Variants in HECTD3 observed in about 807,000 individuals in gnomAD.
The protein encoded by HECTD3 is E3 ubiquitin-protein ligase HECTD3.
In HECTD3, 72 loss-of-function variants were observed where a neutral mutation model predicts 109.3. The observed-to-expected ratio is 0.66, with a 90% CI of 0.54 to 0.80. HECTD3 has a LOEUF of 0.80. HECTD3 is among the 30% of genes least tolerant of loss of function. The pLI, the probability that HECTD3 is intolerant of heterozygous loss-of-function variation, is 0.00. For synonymous variants in HECTD3, 481 were observed against 471.8 expected, an observed-to-expected ratio of 1.02 and a Z score of -0.25; for missense variants, 1,041 against 1,165.2, an observed-to-expected ratio of 0.89 and a Z score of 1.55.
Position 45,010,784 on chromosome 1 carries a change from C to T in HECTD3, c.370-78G>A, listed in dbSNP as rs1361683737. On this transcript the variant is annotated intron_variant, in intron 1 of 20. Transcript: ENST00000372172. ...GTCGTGCCCAGCCCAGGGCAAAGGGCGCCGAACGCAATGCCAACTCAATAC... is the reference window on the plus strand; with the variant it reads ...GTCGTGCCCAGCCCAGGGCAAAGGGTGCCGAACGCAATGCCAACTCAATAC... 15 of 1,510,246 alleles carry T rather than the reference C, an allele frequency of 9.9e-6. No individual in the cohort carries two copies. The East Asian group carries it at 3.4e-4, about 34-fold the overall frequency. The allele number at this position is 1,510,246 out of a possible 1,614,324, so 93.6% of individuals were successfully genotyped here. A position where few individuals can be genotyped will look rare whatever the true frequency, so the allele number is the denominator to read the frequency against.
chr1:45,009,217 G>A lies in HECTD3; in HGVS notation c.999C>T (p.Ile333=), dbSNP rs759402963. ...LSDVSIDETL[I]GDVCVLEDMT... ...TGTCCTCCAGGACACAGACATCCCC[G>A]ATGAGGGTCCTGAGGAGATGAGTGT... The change falls in exon 7 of 21, where the codon ATC becomes ATT. Residue 333 remains isoleucine, a synonymous_variant. Coordinates refer to ENST00000372172, the MANE Select transcript of HECTD3 (RefSeq NM_024602.6). The A allele has an allele frequency of 8.7e-6, 14 of 1,613,432 alleles. No homozygotes were observed. In the East Asian group the frequency reaches 1.1e-4, roughly 13 times the overall value.
Position 45,008,559 on chromosome 1 carries a change from G to A in HECTD3, c.1215C>T (p.Tyr405=), listed in dbSNP as rs1452780290. The A allele has an allele frequency of 1.2e-6, 2 of 1,613,944 alleles. No homozygotes were observed. Among genetic ancestry groups the A allele is most frequent in the Non-Finnish European group, 1.7e-6 (2 of 1,179,890 alleles). The change falls in exon 8 of 21, where the codon TAC becomes TAT. Residue 405 remains tyrosine, a synonymous_variant. Coordinates refer to ENST00000372172, the MANE Select transcript of HECTD3 (RefSeq NM_024602.6). ...RLEGTDPEVL[Y]RRAVLLQRFI... is the part of the protein sequence containing the mutation. ...ACCTCTGCAGGAGGACAGCTCTGCG[G>A]TACAGTACTTCAGGGTCGGTGCCTT...
rs1644713562 is a variant in HECTD3 at position 45,004,079 on chromosome 1, T to C, written c.2328A>G (p.Ala776=). 6.2e-7 allele frequency: 1 copy of C among 1,614,024 alleles called. No individual in the cohort carries two copies. The highest frequency in any genetic ancestry group is 1.6e-4 in the Middle Eastern group (1 of 6,062). The change falls in exon 18 of 21, where the codon GCA becomes GCG. Residue 776 remains alanine (A), a synonymous_variant. Transcript: ENST00000372172. ...SDSRVQYFWE[A]LNNFTNEDRS... is the part of the protein sequence containing the mutation. ...ACTGACCGTTGGTGAAGTTGTTCAG[T>C]GCCTCCCAGAAATACTGCACCCGCG...
chr1:45,009,204 C>A lies in HECTD3; in HGVS notation c.1012G>T (p.Val338Phe), dbSNP rs1644762145. 1 of 1,613,958 alleles carries A rather than the reference C, an allele frequency of 6.2e-7. No individual in the cohort carries two copies. Among genetic ancestry groups the A allele is most frequent in the Non-Finnish European group, 8.5e-7 (1 of 1,179,930 alleles). Reference sequence around the variant, plus strand: ...AGGTGGACGGTCATGTCCTCCAGGACACAGACATCCCCGATGAGGGTCCTG... The same window carrying A: ...AGGTGGACGGTCATGTCCTCCAGGAAACAGACATCCCCGATGAGGGTCCTG... Reference protein sequence around the residue: ...IDETLIGDVCVLEDMTVHLPI... With the variant: ...IDETLIGDVCFLEDMTVHLPI... The change falls in exon 7 of 21, where the codon GTC (valine) becomes TTC (phenylalanine). Residue 338 changes from valine to phenylalanine, a missense_variant. By Grantham distance (50) the Val-to-Phe change is conservative (BLOSUM62 -1). Coordinates refer to ENST00000372172, the MANE Select transcript of HECTD3 (RefSeq NM_024602.6).
At position 45,009,590 on chromosome 1, in the gene HECTD3, T is replaced by C. The variant is rs754301205; in HGVS notation, c.853A>G (p.Met285Val). 6.2e-7 allele frequency: 1 copy of C among 1,613,764 alleles called. No homozygotes were observed. Among genetic ancestry groups the C allele is most frequent in the Non-Finnish European group, 8.5e-7 (1 of 1,179,714 alleles). Residue 285 changes from methionine (M) to valine (V), a missense_variant, in exon 5 of 21, where the codon ATG becomes GTG. Met to Val is a conservative substitution (Grantham distance 21, BLOSUM62 1). Coordinates refer to ENST00000372172, the MANE Select transcript of HECTD3 (RefSeq NM_024602.6). ...SQCQHWVRLT[M>V]KKGTIVKKLL... is the part of the protein sequence containing the mutation. ...TACTTGACAATGGTGCCCTTCTTCA[T>C]AGTAAGCCGTACCCAGTGTTGGCAC...
Position 45,005,835 on chromosome 1 carries a change from C to T in HECTD3, c.1894G>A (p.Val632Met), listed in dbSNP as rs752216913. Reference sequence around the variant, plus strand: ...GCTGGGAAGTCCTTGCTCCAGCTCACCTCCTCACCAGAAAGCTGCTTCCAC... The same window carrying T: ...GCTGGGAAGTCCTTGCTCCAGCTCATCTCCTCACCAGAAAGCTGCTTCCAC... ...FVWKQLSGEEVSWSKDFPAVD... is the reference protein window; with the variant it reads ...FVWKQLSGEEMSWSKDFPAVD... Residue 632 changes from valine to methionine, a missense_variant, in exon 15 of 21, where the codon GTG becomes ATG. Physicochemically the swap from Val to Met is conservative, Grantham distance 21. Coordinates refer to ENST00000372172, the MANE Select transcript of HECTD3 (RefSeq NM_024602.6). The T allele has an allele frequency of 2.5e-6, 4 of 1,608,814 alleles. No individual in the cohort carries two copies. Among genetic ancestry groups the T allele is most frequent in the Middle Eastern group, 1.7e-4 (1 of 6,016 alleles).
chr1:45,004,199 CCTGTG>C (rs751988735), intron 17 of HECTD3, 44 bp downstream of exon 17: 14 of 1,613,926 alleles, frequency 8.7e-6, no homozygotes, highest in African/African-American at 2.7e-5. Context: ...AGCCCCAACC[CCTGTG>C]CTGTGCTGTG....
At position 45,003,561 on chromosome 1, in the gene HECTD3, C is replaced by G. The variant is rs1450677274; in HGVS notation, c.2517G>C (p.Glu839Asp). Residue 839 changes from glutamate (E) to aspartate (D), a missense_variant, in exon 21 of 21, where the codon GAG (glutamate) becomes GAC (aspartate). Physicochemically the swap from Glu to Asp is conservative, Grantham distance 45. Around this residue, in one of 2 missense-constraint regions of HECTD3, gnomAD observed 569 missense variants for 715.3 expected, o/e 0.80. Coordinates refer to ENST00000372172, the MANE Select transcript of HECTD3 (RefSeq NM_024602.6). This position sits in a 1 kb window ranked among gnomAD's most constrained non-coding sequence, Gnocchi z 4.7. The stretch of plus-strand genomic sequence containing the variant: ...TGTAGGCCGCATAGCGGAGCTTCTC[C>G]TCGCATACCTTGGCACTGTGGGAAT... The part of the protein sequence containing the change: ...LPHYASAKVC[E>D]EKLRYAAYNC... 6.2e-7 allele frequency: 1 copy of G among 1,614,232 alleles called. No individual in the cohort carries two copies. Among genetic ancestry groups the G allele is most frequent in the Non-Finnish European group, 8.5e-7 (1 of 1,180,036 alleles).
chr1:45,006,634 C>A lies in HECTD3; in HGVS notation c.1725+58G>T. The A allele has an allele frequency of 6.9e-7, 1 of 1,450,426 alleles. No homozygotes were observed. The highest frequency in any genetic ancestry group is 9.6e-7 in the Non-Finnish European group (1 of 1,046,282). The allele number at this position is 1,450,426 out of a possible 1,614,324, so 89.8% of individuals were successfully genotyped here. ...AGCTCAATCTGGCCCCCTCCTCTGC[C>A]CCCTTTCTAGCTCAATCTGGCACCT... On this transcript the variant is annotated intron_variant, in intron 13 of 20. Coordinates refer to ENST00000372172, the MANE Select transcript of HECTD3 (RefSeq NM_024602.6). The surrounding 1 kb of genome is among the most constrained non-coding windows in gnomAD (Gnocchi z 4.7).
chr1:45,007,158 TTGTG>T (rs1428883386), intron 11 of HECTD3, 57 bp downstream of exon 11: 3 of 1,124,932 alleles, frequency 2.7e-6, no homozygotes, highest in African/African-American at 5.7e-5. Flanking sequence ...GTGTGTGTGT[TTGTG>T]TGTGTTTGTG....
rs1644756441 is a variant in HECTD3 at position 45,008,556 on chromosome 1, G to A, written c.1218C>T (p.Arg406=). 1 of 1,613,698 alleles carries A rather than the reference G, an allele frequency of 6.2e-7. No homozygotes were observed. Among genetic ancestry groups the A allele is most frequent in the African/African-American group, 1.3e-5 (1 of 74,918 alleles). Residue 406 remains arginine, a synonymous_variant, in exon 8 of 21, where the codon CGC becomes CGT. Transcript: ENST00000372172. Reference sequence around the variant, plus strand: ...GCCACCTCTGCAGGAGGACAGCTCTGCGGTACAGTACTTCAGGGTCGGTGC... The same window carrying A: ...GCCACCTCTGCAGGAGGACAGCTCTACGGTACAGTACTTCAGGGTCGGTGC... ...LEGTDPEVLY[R]RAVLLQRFIK... is the part of the protein sequence containing the mutation.
intron 4 of HECTD3, 146 bp downstream of exon 4, chr1:45,009,840 T>G (rs149225163): frequency 1.7e-6 from 2 of 1,148,066 alleles, no homozygotes; most frequent in Non-Finnish European, 2.5e-6. Flanking sequence ...AGGGGTCCTA[T>G]AGACGTCCAA....
At position 45,009,628 on chromosome 1, in the gene HECTD3, C is replaced by G. The variant is rs769716249; in HGVS notation, c.815G>C (p.Ser272Thr). 11 of 1,614,136 alleles carry G rather than the reference C, an allele frequency of 6.8e-6. No homozygotes were observed. Among genetic ancestry groups the G allele is most frequent in the Admixed American group, 1.7e-5 (1 of 60,024 alleles). ...CCAGTGTTGGCACTGGGACCCATCG[C>G]TCTCCCAGTAGGTATCGGCATTGCT... ...TDSNADTYWESDGSQCQHWVR... is the reference protein window; with the variant it reads ...TDSNADTYWETDGSQCQHWVR... The change falls in exon 5 of 21, where the codon AGC becomes ACC. Residue 272 changes from serine (S) to threonine (T), a missense_variant. Ser to Thr is a moderately conservative substitution (Grantham distance 58). Coordinates refer to ENST00000372172, the MANE Select transcript of HECTD3 (RefSeq NM_024602.6).
chr1:45,005,697 C>T, intron 15 of HECTD3, 97 bp downstream of exon 15: 1 of 952,192 alleles, frequency 1.1e-6, no homozygotes, highest in Non-Finnish European at 1.6e-6. Flanking sequence ...GGAGAGGGAT[C>T]TTGTGTGTGG....
chr1:45,009,318 G>A, intron 6 of HECTD3, 51 bp downstream of exon 6: 1 of 1,553,416 alleles, frequency 6.4e-7, no homozygotes, highest in Non-Finnish European at 8.9e-7. Context: ...CTTTCAAGCT[G>A]GGCTAGGCTT....
In HECTD3 at chr1:45,006,019, G is replaced by A. The variant is rs1349067518; in HGVS notation, c.1823C>T (p.Ala608Val). ...YEWIGQLMGA[A>V]LRGKEFLVLA... ...CACCAGGAACTCCTTACCCCGAAGG[G>A]CAGCCCCCATCAGCTGTCCGATCCA... Residue 608 changes from alanine to valine, a missense_variant, in exon 14 of 21, where the codon GCC becomes GTC. Ala to Val is a moderately conservative substitution (Grantham distance 64, BLOSUM62 0). This residue lies in a region of HECTD3 where 569 missense variants were observed against 715.3 expected (regional missense o/e 0.80). Coordinates refer to ENST00000372172, the MANE Select transcript of HECTD3 (RefSeq NM_024602.6). The surrounding 1 kb of genome is among the most constrained non-coding windows in gnomAD (Gnocchi z 4.7). 6.2e-7 allele frequency: 1 copy of A among 1,613,976 alleles called. No homozygotes were observed. Among genetic ancestry groups the A allele is most frequent in the African/African-American group, 1.3e-5 (1 of 74,900 alleles).
intron 2 of HECTD3, 56 bp from the exon 3 acceptor site, chr1:45,010,349 T>C (rs1167036035): frequency 2.6e-6 from 4 of 1,531,852 alleles, no homozygotes; most frequent in African/African-American, 2.7e-5. Context: ...AGCAAGACAC[T>C]ACCTCCATGC....
At chr1:45,010,379 C>T (rs1047072276) in intron 2 of HECTD3, 86 bp from the exon 3 acceptor site, 4 of 1,479,108 alleles carry the variant, frequency 2.7e-6, no homozygotes, top group South Asian at 1.1e-5. Context: ...TTCTTCAGGG[C>T]TCTATCTCCC....
chr1:45,008,805 G>T, intron 7 of HECTD3, 104 bp from the exon 8 acceptor site: 2 of 1,119,682 alleles, frequency 1.8e-6, no homozygotes, highest in Non-Finnish European at 1.3e-6. Flanking sequence ...GTCACCGTTA[G>T]CCCCTAGAAA....
Sources: gnomAD v4.1 joint callset for allele counts on GRCh38, gnomAD v4.1.1 for gene constraint, gnomAD v4.1.1 regional missense constraint, Gnocchi (gnomAD v3.1) non-coding constraint, MANE v1.5 for transcripts, NCBI Gene and HGNC (gene_info 2026-07-23, HGNC 2026-07-21) for gene names.